The following FSTL4 variants were observed in gnomAD, a reference collection of about 807,000 sequenced individuals.
FSTL4 encodes follistatin like 4.
In FSTL4, 28 loss-of-function variants were observed where a neutral mutation model predicts 78.2. The observed-to-expected ratio is 0.36, with a 90% confidence interval of 0.27 to 0.49. FSTL4 has a LOEUF of 0.49. Ranked by LOEUF, FSTL4 falls within the 20% of genes least tolerant of loss-of-function variation. FSTL4 has a pLI of 0.98. For missense variants in FSTL4, 922 were observed against 1,084.9 expected (o/e 0.85, Z 2.11); for synonymous variants, 422 against 440.5 (o/e 0.96, Z 0.53).
chr5:133,206,919 A>C (rs1304111565), intron 14 of FSTL4, among the ~76,000 whole-genome samples: 1 of 91,980 alleles, frequency 1.1e-5, no homozygotes, highest in Non-Finnish European at 2.1e-5. Flanking sequence ...GTAAATTTTG[A>C]TATGAAATAA....
chr5:133,274,798 A>G (rs1292226302), intron 6 of FSTL4, among the ~76,000 whole-genome samples: 1 of 152,244 alleles, frequency 6.6e-6, no homozygotes, highest in Non-Finnish European at 1.5e-5. Flanking sequence ...CATCAGAGGA[A>G]AACATCACAA....
In FSTL4 at chr5:133,199,840, G is replaced by A. The variant is rs989077270; in HGVS notation, c.1827-43C>T. The A allele has an allele frequency of 4.8e-6, 5 of 1,034,996 alleles. No individual in the cohort carries two copies. In the African/African-American group the frequency reaches 8.0e-5, roughly 17 times the overall value. 64.1% of individuals were successfully genotyped at this position (1,034,996 alleles called of 1,614,324 possible). On this transcript the variant is annotated intron_variant, in intron 15 of 15. Transcript: ENST00000265342. This position sits in a 1 kb window ranked among gnomAD's most constrained non-coding sequence, Gnocchi z 4.4. Reference sequence around the variant, plus strand: ...GAGGTCAGAAGTTGCCTCCAGGGGTGGGGAATCTGTCATTTGTCTTAAACA... The same window carrying A: ...GAGGTCAGAAGTTGCCTCCAGGGGTAGGGAATCTGTCATTTGTCTTAAACA...
At chr5:133,371,633 C>T (rs1410573197) in intron 4 of FSTL4, among the ~76,000 whole-genome samples, 2 of 152,156 alleles carry the variant, frequency 1.3e-5, no homozygotes, top group South Asian at 2.1e-4. Flanking sequence ...GATTCATGTG[C>T]GTAAATATCA....
chr5:133,578,977 A>G (rs1412947998), intron 2 of FSTL4, among the ~76,000 whole-genome samples: 2 of 151,852 alleles, frequency 1.3e-5, no homozygotes, highest in Admixed American at 1.3e-4. Context: ...AGCAATCACC[A>G]CGTCCAAGAC....
intron 4 of FSTL4, among the ~76,000 whole-genome samples, chr5:133,379,812 C>T (rs1443096327): frequency 6.6e-6 from 1 of 152,200 alleles, no homozygotes; most frequent in East Asian, 1.9e-4. Context: ...CACAGTGGCT[C>T]ATGCCTGTAA....
rs184582198 is a variant in FSTL4, at chr5:133,445,724, C to T, written c.161-44738G>A. Among the ~76,000 whole-genome samples the T allele has an allele frequency of 2.8e-4, 43 of 152,304 alleles. 2 individuals are homozygous for T. The highest frequency in any genetic ancestry group is 2.5e-3 in the Admixed American group (38 of 15,306). On this transcript the variant is annotated intron_variant, in intron 3 of 15. Transcript: ENST00000265342. ...CTTCCCCAAAACGTGCACAGGCCCT[C>T]CCGGGTCCCCAGGCCTGTGTATTTG...
intron 4 of FSTL4, among the ~76,000 whole-genome samples, chr5:133,343,072 G>A (rs541101138): frequency 6.6e-6 from 1 of 152,304 alleles, no homozygotes; most frequent in Non-Finnish European, 1.5e-5. Flanking sequence ...CCGGCCCATC[G>A]AGATGAAGGA....
At chr5:133,757,619 C>T in the FSTL4 span, among the ~76,000 whole-genome samples, 1 of 152,056 alleles carries the variant, frequency 6.6e-6, no homozygotes, top group Non-Finnish European at 1.5e-5. Context: ...ATGGAGCACT[C>T]GGCATGGTGG....
intron 3 of FSTL4, among the ~76,000 whole-genome samples, chr5:133,526,058 C>A (rs983310791): frequency 6.6e-6 from 1 of 152,156 alleles, no homozygotes; most frequent in African/African-American, 2.4e-5. Context: ...ACACTGAGGG[C>A]CCTGAGGAAA....
At chr5:133,479,364 T>C (rs1757983735) in intron 3 of FSTL4, among the ~76,000 whole-genome samples, 2 of 152,246 alleles carry the variant, frequency 1.3e-5, no homozygotes, top group African/African-American at 4.8e-5. Flanking sequence ...CCACTGATGA[T>C]GTCTATACCG....
chr5:133,785,426 G>A, the FSTL4 span, among the ~76,000 whole-genome samples: 1 of 152,176 alleles, frequency 6.6e-6, no homozygotes, highest in Non-Finnish European at 1.5e-5. Context: ...CAGGCTCCAG[G>A]GAACCTCTAC....
chr5:133,689,121 A>T, the FSTL4 span, among the ~76,000 whole-genome samples: 1 of 151,832 alleles, frequency 6.6e-6, no homozygotes, highest in African/African-American at 2.4e-5. Flanking sequence ...TCCATATCCT[A>T]CTTTTCTAAC....
chr5:133,745,762 C>T, the FSTL4 span, among the ~76,000 whole-genome samples: 3 of 152,196 alleles, frequency 2.0e-5, no homozygotes, highest in East Asian at 1.9e-4. Context: ...GTTAAAACTA[C>T]GAACTGTCAT....
the FSTL4 span, among the ~76,000 whole-genome samples, chr5:133,753,727 G>GTGTGTGTGTGTGTGTGTGTA: frequency 2.8e-4 from 38 of 134,912 alleles, no homozygotes; most frequent in Non-Finnish European, 3.6e-4. Flanking sequence ...GTGTGTGTGT[G>GTGTGTGTGTGTGTGTGTGTA]TAGTGGCAGG....
chr5:133,223,970 A>G, intron 11 of FSTL4: 2 of 492,160 alleles, frequency 4.1e-6, no homozygotes, highest in South Asian at 6.2e-5. Flanking sequence ...GTTACAAGCC[A>G]CTTTTAATGA....
chr5:133,419,520 T>C (rs1038417431), intron 3 of FSTL4, among the ~76,000 whole-genome samples: 1 of 152,252 alleles, frequency 6.6e-6, no homozygotes, highest in Non-Finnish European at 1.5e-5. Context: ...ATTCTAATAT[T>C]TTACAATTTC....
At chr5:133,239,267 C>T (rs1751759760) in intron 7 of FSTL4, among the ~76,000 whole-genome samples, 1 of 141,322 alleles carries the variant, frequency 7.1e-6, no homozygotes, top group Non-Finnish European at 1.6e-5. Flanking sequence ...TCCTGCGCAG[C>T]CTGAGCCTCC....
chr5:133,414,388 T>C (rs1756536540), intron 3 of FSTL4, among the ~76,000 whole-genome samples: 2 of 152,102 alleles, frequency 1.3e-5, no homozygotes, highest in Admixed American at 1.3e-4. Flanking sequence ...CAGGTGTATA[T>C]ATATAGGGGA....
Position 133,279,771 on chromosome 5 carries a change from A to G in FSTL4, c.728-30195T>C, listed in dbSNP as rs547787454. On this transcript the variant is annotated intron_variant, in intron 6 of 15. Coordinates refer to ENST00000265342, the MANE Select transcript of FSTL4 (RefSeq NM_015082.2). ...CCCTCACCAAATTCATGTCTATTAG[A>G]ACCTCAGAATGTGACCTGATTGGAA... 3.2e-4 allele frequency among the ~76,000 whole-genome samples: 49 copies of G among 152,332 alleles called. No individual in the cohort carries two copies. The South Asian group carries it at 9.7e-3, about 30-fold the overall frequency.
Sources: gnomAD v4.1 joint callset for allele counts (sites outside exome capture counted in the v4.1 genomes callset) on GRCh38, gnomAD v4.1.1 for gene constraint, Gnocchi (gnomAD v3.1) non-coding constraint, MANE v1.5 for transcripts, NCBI Gene and HGNC (gene_info 2026-07-23, HGNC 2026-07-21) for gene names.